The following SP100 variants were observed in gnomAD, a reference collection of about 807,000 sequenced individuals.
SP100 encodes nuclear autoantigen Sp-100.
SP100 carries 84 observed loss-of-function variants against 130.0 expected under a neutral mutation model. The ratio of observed to expected loss-of-function variants is 0.65; its 90% CI spans 0.54 to 0.77. The LOEUF (loss-of-function observed/expected upper bound fraction) is 0.77. SP100 is among the 30% of genes least tolerant of loss of function. The pLI is 0.00. For synonymous variants in SP100, 331 were observed against 351.7 expected (o/e 0.94, Z 0.66); for missense variants, 978 against 1,052.2 (o/e 0.93, Z 0.97).
chr2:230,514,454 A>G (rs1330999536), intron 24 of SP100, among the ~76,000 whole-genome samples: 1 of 152,234 alleles, frequency 6.6e-6, no homozygotes, highest in African/African-American at 2.4e-5. Context: ...GAAATAATTA[A>G]GTCCAAATTG....
intron 24 of SP100, among the ~76,000 whole-genome samples, chr2:230,520,055 C>T (rs983014254): frequency 1.5e-4 from 23 of 152,150 alleles, no homozygotes; most frequent in Non-Finnish European, 3.4e-4. Flanking sequence ...ATTTTTCTTC[C>T]CCGAAATTTC....
At chr2:230,439,968 A>G (rs1288607359) in intron 2 of SP100, among the ~76,000 whole-genome samples, 1 of 152,028 alleles carries the variant, frequency 6.6e-6, no homozygotes, top group African/African-American at 2.4e-5. Flanking sequence ...GTCTGATTTC[A>G]CTCAATCAGT....
At chr2:230,418,181 G>A (rs952343499) in intron 2 of SP100, among the ~76,000 whole-genome samples, 10 of 152,024 alleles carry the variant, frequency 6.6e-5, no homozygotes, top group African/African-American at 1.9e-4. Context: ...TATTTGCCCC[G>A]TTTTCATCTT....
intron 4 of SP100, 125 bp downstream of exon 4, chr2:230,444,471 G>A: frequency 1.4e-6 from 1 of 730,594 alleles, no homozygotes; most frequent in Non-Finnish European, 2.3e-6. Context: ...TAACAAAATA[G>A]ACATGCCATG....
chr2:230,484,246 A>T lies in SP100; in HGVS notation c.1600+9799A>T, dbSNP rs1469483613. 2.6e-5 allele frequency among the ~76,000 whole-genome samples: 4 copies of T among 152,364 alleles called. No homozygotes were observed. The South Asian group carries it at 6.2e-4, about 24-fold the overall frequency. Reference sequence around the variant, plus strand: ...ATCACCTTGTTTGACCTCAGCTAAGAGCATGCATAGGTGACTCAAATAATT... The same window carrying T: ...ATCACCTTGTTTGACCTCAGCTAAGTGCATGCATAGGTGACTCAAATAATT... On this transcript the variant is annotated intron_variant, in intron 17 of 28. Transcript: ENST00000340126.
chr2:230,454,359 T>C (rs1382049531), intron 8 of SP100, among the ~76,000 whole-genome samples: 1 of 152,126 alleles, frequency 6.6e-6, no homozygotes, highest in African/African-American at 2.4e-5. Context: ...TTGTCTGGTT[T>C]CTTGAGGTGT....
Position 230,504,263 on chromosome 2 carries a change from ACT to A in SP100, c.1846_1847del (p.Leu616IlefsTer2). ...LPVTCGEVKGTLYKERFKQGT... is the reference protein window; with the variant it reads ...LPVTCGEVKGXLYKERFKQGT... ...TGTGACCTGTGGTGAGGTGAAGGGCACTCTATATAAGGAGCGATTCAAACAAG... is the reference window on the plus strand; with the variant it reads ...TGTGACCTGTGGTGAGGTGAAGGGCACTATATAAGGAGCGATTCAAACAAG... On this transcript the variant is annotated frameshift_variant, in exon 21 of 29. Coordinates refer to ENST00000340126, the MANE Select transcript of SP100 (RefSeq NM_001080391.2). LOFTEE classifies it high-confidence loss of function. The A allele has an allele frequency of 6.2e-7, 1 of 1,607,980 alleles. No individual in the cohort carries two copies. The highest frequency in any genetic ancestry group is 8.5e-7 in the Non-Finnish European group (1 of 1,174,866).
At chr2:230,435,325 G>A (rs921432622) in intron 2 of SP100, among the ~76,000 whole-genome samples, 4 of 152,036 alleles carry the variant, frequency 2.6e-5, no homozygotes, top group African/African-American at 9.7e-5. Context: ...GGAGTTATTT[G>A]TTGCTTTTTA....
intron 2 of SP100, among the ~76,000 whole-genome samples, chr2:230,432,431 A>T (rs1022982113): frequency 5.3e-5 from 8 of 152,158 alleles, no homozygotes; most frequent in Non-Finnish European, 1.0e-4. Flanking sequence ...CTATAGTAGC[A>T]TTATGTTTCA....
chr2:230,481,879 A>ACCT (rs1373628709), intron 17 of SP100, among the ~76,000 whole-genome samples: 1 of 152,148 alleles, frequency 6.6e-6, no homozygotes, highest in Non-Finnish European at 1.5e-5. Context: ...AGATGCTTTT[A>ACCT]CCTGGTAAGA....
chr2:230,466,984 T>TG, intron 12 of SP100, 136 bp from the exon 13 acceptor site: 1 of 587,710 alleles, frequency 1.7e-6, no homozygotes, highest in Non-Finnish European at 3.0e-6. Flanking sequence ...CATGGAGGTT[T>TG]GAGGCACGGA....
Position 230,474,352 on chromosome 2 carries a change from T to G in SP100, c.1547-42T>G, listed in dbSNP as rs2065426875. On this transcript the variant is annotated intron_variant, in intron 16 of 28. Transcript: ENST00000340126. ...TTGTCATAAGATTTATAAATTTTAC[T>G]TATAAATTACAGTTCTCTGACCACT... is the stretch of plus-strand genomic sequence containing the variant. 7 of 1,052,910 alleles carry G rather than the reference T, an allele frequency of 6.6e-6. No individual in the cohort carries two copies. The East Asian group carries it at 1.4e-4, about 22-fold the overall frequency. 65.2% of individuals were successfully genotyped at this position (1,052,910 alleles called of 1,614,324 possible).
At chr2:230,438,636 G>GGTGT (rs199664000) in intron 2 of SP100, among the ~76,000 whole-genome samples, 2 of 89,560 alleles carry the variant, frequency 2.2e-5, no homozygotes, top group East Asian at 4.5e-4. Flanking sequence ...AGTACTCCAT[G>GGTGT]GTGTATATAT....
intron 24 of SP100, chr2:230,538,959 A>G: frequency 4.1e-6 from 1 of 246,412 alleles, no homozygotes; most frequent in Non-Finnish European, 8.3e-6. Flanking sequence ...AAAAGACACT[A>G]TTTCTGGGCC....
intron 2 of SP100, among the ~76,000 whole-genome samples, chr2:230,418,713 A>T (rs2062686300): frequency 6.6e-6 from 1 of 151,954 alleles, no homozygotes. Context: ...TTGATTGATT[A>T]AATTATCCTT....
chr2:230,433,957 G>C (rs941026413), intron 2 of SP100, among the ~76,000 whole-genome samples: 2 of 149,274 alleles, frequency 1.3e-5, no homozygotes, highest in African/African-American at 4.9e-5. Flanking sequence ...TCAAAATCTT[G>C]TTCTGTTTAC....
At chr2:230,535,761 G>A (rs145806063) in intron 24 of SP100, among the ~76,000 whole-genome samples, 43 of 151,720 alleles carry the variant, frequency 2.8e-4, no homozygotes, top group African/African-American at 9.2e-4. Flanking sequence ...ACAAAAATTA[G>A]CCAGGAGTGG....
rs1014694072 is a variant in SP100 at position 230,515,816 on chromosome 2, G to T, written c.2094+4650G>T. ...ACCGAATGTGTCTTCAGATAGCCCT[G>T]TCCTGGTGGTATTTAGCCACTAACC... On this transcript the variant is annotated intron_variant, in intron 24 of 28. Coordinates refer to ENST00000340126, the MANE Select transcript of SP100 (RefSeq NM_001080391.2). The T allele has an allele frequency of 4.9e-6, 7 of 1,418,612 alleles. No homozygotes were observed. The African/African-American group carries it at 1.0e-4, about 20-fold the overall frequency. 87.9% of individuals were successfully genotyped at this position (1,418,612 alleles called of 1,614,324 possible).
At position 230,541,863 on chromosome 2, in the gene SP100, T is replaced by C. The variant is rs554669675; in HGVS notation, c.2404-29T>C. The C allele has an allele frequency of 1.2e-5, 19 of 1,608,830 alleles. No homozygotes were observed. The Admixed American group carries it at 1.4e-4, about 12-fold the overall frequency. On this transcript the variant is annotated intron_variant, in intron 27 of 28. Coordinates refer to ENST00000340126, the MANE Select transcript of SP100 (RefSeq NM_001080391.2). ...GTGGGAGTCTATGGCACTGGGCTGA[T>C]AGCCTCATTTTGGTCTTTTACTCAA...
Sources: allele counts gnomAD v4.1 joint callset (sites outside exome capture counted in the v4.1 genomes callset), GRCh38; gene constraint gnomAD v4.1.1; transcripts MANE v1.5; gene names NCBI Gene and HGNC (gene_info 2026-07-23, HGNC 2026-07-21).